Variants in ZAN observed in about 807,000 individuals in gnomAD.
The protein encoded by ZAN is zonadhesin.
ZAN carries 260 observed loss-of-function variants against 286.2 expected under a neutral mutation model. The observed-to-expected ratio is 0.91, with a 90% CI of 0.82 to 1.01. The LOEUF is 1.01. Among genes scored for constraint, ZAN ranks in the 50% least tolerant of loss-of-function variants. The pLI is 0.00. For missense variants in ZAN, 3,410 were observed against 3,639.2 expected (o/e 0.94, Z 1.62); for synonymous variants, 1,368 against 1,417.5 (o/e 0.97, Z 0.79).
Position 100,734,163 on chromosome 7 carries a change from G to T in ZAN, c.-6G>T. The T allele has an allele frequency of 2.1e-6, 3 of 1,455,040 alleles. 1 individual carries two copies. Among genetic ancestry groups the T allele is most frequent in the Non-Finnish European group, 2.8e-6 (3 of 1,070,140 alleles). 90.1% of individuals were successfully genotyped at this position (1,455,040 alleles called of 1,614,324 possible). A position where few individuals can be genotyped will look rare whatever the true frequency, so the allele number is the denominator to read the frequency against. ...TCTCCCCTGGGAGCAACCACTTAGG[G>T]TCCTCATGGTTCCTCCAGTCTGGAC... On this transcript the variant is annotated 5_prime_UTR_variant, in exon 2 of 48. Transcript: ENST00000613979.
chr7:100,739,140 T>C (rs1436970732), intron 7 of ZAN, among the ~76,000 whole-genome samples: 1 of 134,860 alleles, frequency 7.4e-6, no homozygotes, highest in Non-Finnish European at 1.6e-5. Context: ...ACCTCCCAAG[T>C]AGCTGAGACT....
rs920765926 is a variant in ZAN, at chr7:100,734,899, T to C, written c.53+678T>C. Among the ~76,000 whole-genome samples the C allele has an allele frequency of 1.4e-4, 20 of 139,804 alleles. 5 individuals carry two copies. The highest frequency in any genetic ancestry group is 5.2e-4 in the African/African-American group (20 of 38,272). 91.7% of individuals were successfully genotyped at this position (139,804 alleles called of 152,430 possible). A position where few individuals can be genotyped will look rare whatever the true frequency, so the allele number is the denominator to read the frequency against. On this transcript the variant is annotated intron_variant, in intron 2 of 47. Coordinates refer to ENST00000613979, the MANE Select transcript of ZAN (RefSeq NM_003386.3). ...TACGAGGCAGCAAAGAAATGACGGA[T>C]GACAGGCCAAGCGCGGCGGCTCACC...
intron 11 of ZAN, 101 bp from the exon 12 acceptor site, chr7:100,750,524 G>A (rs544892404): frequency 5.7e-5 from 78 of 1,371,622 alleles, no homozygotes; most frequent in Non-Finnish European, 7.8e-5. Flanking sequence ...AAATTTGAGT[G>A]TTTGCTCAGA....
chr7:100,746,465 C>T (rs1481828600), intron 7 of ZAN, 73 bp from the exon 8 acceptor site: 2 of 1,560,486 alleles, frequency 1.3e-6, no homozygotes, highest in African/African-American at 2.7e-5. Context: ...CCACAGCCTC[C>T]TCAGGGCCCT....
At position 100,746,393 on chromosome 7, in the gene ZAN, G is replaced by A. The variant is rs61609580; in HGVS notation, c.767-145G>A. ...AAAAGTTGAAGACCTCAGTCAGTTG[G>A]GATAGGACCACCTCAGTGCTGCCTG... On this transcript the variant is annotated intron_variant, in intron 7 of 47. Coordinates refer to ENST00000613979, the MANE Select transcript of ZAN (RefSeq NM_003386.3). 5.0e-4 allele frequency: 526 copies of A among 1,056,286 alleles called. 1 individual carries two copies. The African/African-American group carries it at 8.0e-3, about 16-fold the overall frequency. 65.4% of individuals were successfully genotyped at this position (1,056,286 alleles called of 1,614,324 possible).
intron 33 of ZAN, 83 bp downstream of exon 33, chr7:100,775,916 C>A: frequency 6.5e-7 from 1 of 1,539,916 alleles, no homozygotes; most frequent in South Asian, 1.3e-5. Context: ...GCAGTGTTCG[C>A]ATCGTGCCTG....
rs775100221 is a variant in ZAN at position 100,736,820 on chromosome 7, C to A, written c.265C>A (p.Leu89Met). The A allele has an allele frequency of 2.0e-6, 3 of 1,478,298 alleles. No homozygotes were observed. Among genetic ancestry groups the A allele is most frequent in the Non-Finnish European group, 2.8e-6 (3 of 1,085,090 alleles). The allele number at this position is 1,478,298 out of a possible 1,614,324, so 91.6% of individuals were successfully genotyped here. ...TCTGCCTCCCCCAGAGGGCAGCTATCTGCATATGGAATCGAACAGCTTCCA... is the reference window on the plus strand; with the variant it reads ...TCTGCCTCCCCCAGAGGGCAGCTATATGCATATGGAATCGAACAGCTTCCA... ...GGYPNGEGSY[L>M]HMESNSFHRG... The change falls in exon 5 of 48, where the codon CTG becomes ATG. Residue 89 changes from leucine to methionine, a missense_variant. Transcript: ENST00000613979.
In ZAN at chr7:100,766,924, T is replaced by C; in HGVS notation, c.4613-86T>C. On this transcript the variant is annotated intron_variant, in intron 24 of 47. Coordinates refer to ENST00000613979, the MANE Select transcript of ZAN (RefSeq NM_003386.3). The stretch of plus-strand genomic sequence containing the variant: ...GGGTGGGCCGTGGGGACCATGCCAA[T>C]GTGGGCTCTCCAGGATGGCAGCTCT... The C allele has an allele frequency of 4.5e-6, 7 of 1,571,870 alleles. 1 individual carries two copies. In the East Asian group the frequency reaches 1.6e-4, roughly 35 times the overall value.
At chr7:100,762,408 C>G in intron 20 of ZAN, 50 bp downstream of exon 20, 1 of 1,445,582 alleles carries the variant, frequency 6.9e-7, no homozygotes, top group Non-Finnish European at 9.2e-7. Flanking sequence ...CCGTCCCCTT[C>G]CTGGAACTCT....
At position 100,758,339 on chromosome 7, in the gene ZAN, C is replaced by G. The variant is rs1562930788; in HGVS notation, c.3447C>G (p.Pro1149=). ...QLKNGQYGCH[P]YAGTATCLVY... ...AGAATGGCCAGTATGGATGCCACCC[C>G]TACGGTGAGAGCCCCTCCCCATGCT... is the stretch of plus-strand genomic sequence containing the variant. The change falls in exon 16 of 48, where the codon CCC becomes CCG. Residue 1149 remains proline, a synonymous_variant. Coordinates refer to ENST00000613979, the MANE Select transcript of ZAN (RefSeq NM_003386.3). The G allele has an allele frequency of 1.9e-6, 3 of 1,612,180 alleles. No homozygotes were observed. The highest frequency in any genetic ancestry group is 1.7e-4 in the Middle Eastern group (1 of 5,992).
intron 35 of ZAN, 92 bp from the exon 36 acceptor site, chr7:100,784,531 G>T: frequency 7.9e-7 from 1 of 1,271,812 alleles, no homozygotes; most frequent in South Asian, 1.4e-5. Flanking sequence ...AAGCCTTGTT[G>T]GTCATCCACC....
At position 100,758,189 on chromosome 7, in the gene ZAN, C is replaced by T. The variant is rs780607342; in HGVS notation, c.3310-13C>T. 1 of 1,608,070 alleles carries T rather than the reference C, an allele frequency of 6.2e-7. No homozygotes were observed. Among genetic ancestry groups the T allele is most frequent in the Non-Finnish European group, 8.5e-7 (1 of 1,176,690 alleles). On this transcript the variant is annotated splice_polypyrimidine_tract_variant and intron_variant, in intron 15 of 47. Coordinates refer to ENST00000613979, the MANE Select transcript of ZAN (RefSeq NM_003386.3). ...GCTATATGACTGTGTGACCTCACAT[C>T]CCTTTCTCCCAGCCTGGGGCAGAGT...
chr7:100,793,548 T>TCC (rs1228979275), intron 42 of ZAN, among the ~76,000 whole-genome samples: 1 of 151,876 alleles, frequency 6.6e-6, no homozygotes, highest in Non-Finnish European at 1.5e-5. Flanking sequence ...CAAGCGATTC[T>TCC]TGTCTCAGCC....
At chr7:100,769,701 C>G (rs946673764) in intron 27 of ZAN, among the ~76,000 whole-genome samples, 179 bp from the exon 28 acceptor site, 2 of 152,046 alleles carry the variant, frequency 1.3e-5, no homozygotes, top group African/African-American at 4.8e-5. Flanking sequence ...CATGCCACCA[C>G]GCCCGGCTAA....
Position 100,750,827 on chromosome 7 carries a change from G to T in ZAN, c.1452G>T (p.Val484=). ...GSPPIPLWKR[V]GSQRPYWQNT... ...CCCCGATTCCTCTCTGGAAACGCGT[G>T]GGGTCTCAGCGCCCTTACTGGCAGA... The change falls in exon 12 of 48, where the codon GTG becomes GTT. Residue 484 remains valine, a synonymous_variant. Coordinates refer to ENST00000613979, the MANE Select transcript of ZAN (RefSeq NM_003386.3). The T allele has an allele frequency of 6.2e-7, 1 of 1,601,260 alleles. No individual in the cohort carries two copies.
At chr7:100,745,575 T>C (rs1461459835) in intron 7 of ZAN, among the ~76,000 whole-genome samples, 1 of 151,716 alleles carries the variant, frequency 6.6e-6, no homozygotes, top group East Asian at 1.9e-4. Context: ...GAATAGGTTA[T>C]GTCCAGCGGG....
In ZAN at chr7:100,794,016, C is replaced by T. The variant is rs1187741761; in HGVS notation, c.7984C>T (p.Gln2662Ter). ...CTGCACCAGCAATGGCATCTACTAC[C>T]AGGTCTGAGCTGGCAGCAGGAGGCC... ...CGCTSNGIYY[Q>*]LGSSFLTEDC... The change falls in exon 43 of 48, where the codon CAG becomes TAG. Residue 2662 changes from glutamine (Q) to a stop codon, truncating the protein, a stop_gained and splice_region_variant. Transcript: ENST00000613979. LOFTEE classifies it high-confidence loss of function. 3.7e-6 allele frequency: 6 copies of T among 1,612,920 alleles called. No homozygotes were observed. The highest frequency in any genetic ancestry group is 4.2e-6 in the Non-Finnish European group (5 of 1,179,544).
chr7:100,768,059 G>A (rs373575566), intron 26 of ZAN, 48 bp downstream of exon 26: 31 of 1,567,066 alleles, frequency 2.0e-5, no homozygotes, highest in Non-Finnish European at 2.5e-5. Flanking sequence ...ATGAGTAGGC[G>A]TGTGACCTGG....
chr7:100,756,423 T>C (rs1809150409), intron 15 of ZAN, among the ~76,000 whole-genome samples: 1 of 127,186 alleles, frequency 7.9e-6, no homozygotes, highest in Non-Finnish European at 1.6e-5. Flanking sequence ...AGTGACACCC[T>C]GTCTCAAAAA....
Sources: allele counts gnomAD v4.1 joint callset (sites outside exome capture counted in the v4.1 genomes callset), GRCh38; gene constraint gnomAD v4.1.1; transcripts MANE v1.5; gene names NCBI Gene and HGNC (gene_info 2026-07-23, HGNC 2026-07-21).